The following IARS1 variants were observed in gnomAD, a reference collection of about 807,000 sequenced individuals.
The protein encoded by IARS1 is isoleucine--tRNA ligase, cytoplasmic.
A neutral mutation model predicts 168.2 loss-of-function variants in IARS1; 124 were observed. That is an observed-to-expected ratio of 0.74 (90% CI 0.64 to 0.86). IARS1 has a LOEUF of 0.86. Among genes scored for constraint, IARS1 ranks in the 40% least tolerant of loss-of-function variants. The pLI, the probability that IARS1 is intolerant of heterozygous loss-of-function variation, is 0.00. For synonymous variants in IARS1, 532 were observed against 529.4 expected, an observed-to-expected ratio of 1.00 and a Z score of -0.07; for missense variants, 1,452 against 1,515.8, an observed-to-expected ratio of 0.96 and a Z score of 0.70.
intron 7 of IARS1, among the ~76,000 whole-genome samples, chr9:92,280,539 A>C (rs1411628928): frequency 6.6e-6 from 1 of 152,224 alleles, no homozygotes; most frequent in Non-Finnish European, 1.5e-5. Context: ...TTTATGTTCT[A>C]CTTTTTATAT....
chr9:92,261,317 G>GA (rs71362375), intron 17 of IARS1, among the ~76,000 whole-genome samples: 9,615 of 149,398 alleles, frequency 0.064, 378 homozygotes, highest in Middle Eastern at 0.23. Flanking sequence ...TCAAAAAAAA[G>GA]AAAAAAAAAG....
chr9:92,229,162 A>G, intron 30 of IARS1, 36 bp from the exon 31 acceptor site: 1 of 1,594,818 alleles, frequency 6.3e-7, no homozygotes, highest in African/African-American at 1.4e-5. Context: ...CAATCAGACA[A>G]ATAAAACTAA....
chr9:92,223,929 C>T (rs192339545), intron 31 of IARS1, among the ~76,000 whole-genome samples: 2 of 152,316 alleles, frequency 1.3e-5, no homozygotes, highest in African/African-American at 4.8e-5. Flanking sequence ...ATTTAGAGAA[C>T]ATTAAACGTT....
chr9:92,256,423 A>C (rs1830729883), intron 20 of IARS1: 3 of 214,278 alleles, frequency 1.4e-5, no homozygotes, highest in African/African-American at 6.8e-5. Flanking sequence ...TCCTGACCTA[A>C]GGTGACCTGC....
chr9:92,260,516 G>A (rs140647745), intron 17 of IARS1, among the ~76,000 whole-genome samples: 4,879 of 152,146 alleles, frequency 0.032, 121 homozygotes, highest in South Asian at 0.072. Flanking sequence ...TTAGCTGGGC[G>A]TGGGGGCGCA....
chr9:92,248,310 C>T (rs772309310), intron 25 of IARS1, among the ~76,000 whole-genome samples: 1 of 152,150 alleles, frequency 6.6e-6, no homozygotes, highest in South Asian at 2.1e-4. Context: ...GCAAATAATA[C>T]GGAATGTTTA....
At chr9:92,212,193 A>C (rs1243364094) in intron 33 of IARS1, among the ~76,000 whole-genome samples, 1 of 152,204 alleles carries the variant, frequency 6.6e-6, no homozygotes, top group Non-Finnish European at 1.5e-5. Flanking sequence ...GCAAGCAAGA[A>C]GACATCTAAG....
chr9:92,240,737 A>G, intron 30 of IARS1, 119 bp downstream of exon 30: 1 of 725,162 alleles, frequency 1.4e-6, no homozygotes. Flanking sequence ...TATCTATTAA[A>G]CATGATTAAA....
intron 33 of IARS1, among the ~76,000 whole-genome samples, chr9:92,214,475 G>T (rs1465110298): frequency 2.0e-5 from 3 of 152,178 alleles, no homozygotes; most frequent in Admixed American, 6.5e-5. Context: ...GAGCGATGCA[G>T]AAGACAGTGA....
At chr9:92,287,977 GAAAAC>G (rs1195511533) in intron 3 of IARS1, 67 bp from the exon 4 acceptor site, 12 of 1,587,052 alleles carry the variant, frequency 7.6e-6, no homozygotes, top group South Asian at 2.3e-5. Context: ...TGCAACTCTA[GAAAAC>G]AAAACAAATC....
chr9:92,287,733 C>A, intron 4 of IARS1, 58 bp downstream of exon 4: 4 of 1,551,646 alleles, frequency 2.6e-6, no homozygotes, highest in Non-Finnish European at 3.5e-6. Context: ...TAAACCATTT[C>A]AATGCCCATT....
chr9:92,225,999 T>C (rs1263602155), intron 31 of IARS1, among the ~76,000 whole-genome samples: 1 of 152,236 alleles, frequency 6.6e-6, no homozygotes, highest in Non-Finnish European at 1.5e-5. Flanking sequence ...AAGGCACCTG[T>C]CAGTGTGGGA....
chr9:92,238,195 T>G (rs1474543501), intron 30 of IARS1, among the ~76,000 whole-genome samples: 2 of 152,214 alleles, frequency 1.3e-5, no homozygotes, highest in Non-Finnish European at 2.9e-5. Flanking sequence ...TGAGCCACTG[T>G]GCCTGGCATA....
At position 92,260,219 on chromosome 9, in the gene IARS1, C is replaced by A; in HGVS notation, c.1803G>T (p.Met601Ile). The A allele has an allele frequency of 6.2e-7, 1 of 1,613,826 alleles. No homozygotes were observed. Among genetic ancestry groups the A allele is most frequent in the South Asian group, 1.1e-5 (1 of 91,068 alleles). Residue 601 changes from methionine to isoleucine, a missense_variant, in exon 18 of 34, where the codon ATG becomes ATT. Coordinates refer to ENST00000443024, the MANE Select transcript of IARS1 (RefSeq NM_002161.6). ...GLVLASDGQK[M>I]SKRKKNYPDP... ...CTGGATAATTCTTTTTCCGTTTGCT[C>A]ATTTTTTGGCCATCACTTGTAAAAC...
intron 31 of IARS1, among the ~76,000 whole-genome samples, chr9:92,226,385 CTA>C (rs756863507): frequency 3.3e-5 from 5 of 152,204 alleles, no homozygotes; most frequent in Non-Finnish European, 7.3e-5. Flanking sequence ...CACTGTGGTA[CTA>C]TCTTGCAAGT....
chr9:92,244,529 C>T (rs1329860466), intron 27 of IARS1, among the ~76,000 whole-genome samples: 1 of 123,458 alleles, frequency 8.1e-6, no homozygotes, highest in Non-Finnish European at 1.6e-5. Flanking sequence ...GAATCTAAAA[C>T]AGTTTGTATA....
intron 31 of IARS1, among the ~76,000 whole-genome samples, chr9:92,224,392 C>T (rs1346581611): frequency 6.6e-6 from 1 of 152,200 alleles, no homozygotes; most frequent in East Asian, 1.9e-4. Context: ...AGGAGTAGAT[C>T]TACACTGATT....
chr9:92,271,438 A>C, intron 11 of IARS1, 95 bp downstream of exon 11: 1 of 1,514,136 alleles, frequency 6.6e-7, no homozygotes, highest in Non-Finnish European at 9.1e-7. Flanking sequence ...ACCAAATAAA[A>C]ACAACTTCCT....
At chr9:92,253,690 A>T (rs1222158528) in intron 20 of IARS1, 7 of 538,494 alleles carry the variant, frequency 1.3e-5, no homozygotes, top group Admixed American at 1.1e-4. Context: ...CCACATGCGA[A>T]TTCCCATTGG....
Sources: allele counts gnomAD v4.1 joint callset (sites outside exome capture counted in the v4.1 genomes callset), GRCh38; gene constraint gnomAD v4.1.1; transcripts MANE v1.5; gene names NCBI Gene and HGNC (gene_info 2026-07-23, HGNC 2026-07-21).